Variants in KLF12 observed in about 807,000 individuals in gnomAD.
KLF12 encodes the protein KLF transcription factor 12.
Under a neutral mutation model 37.8 loss-of-function variants are expected in KLF12, and 9 were observed. The ratio of observed to expected loss-of-function variants is 0.24; its 90% CI spans 0.14 to 0.42. The LOEUF (loss-of-function observed/expected upper bound fraction) is 0.42. Among genes scored for constraint, KLF12 ranks in the 10% least tolerant of loss-of-function variants. KLF12 has a pLI of 1.00. For missense variants in KLF12, 411 were observed against 516.0 expected (o/e 0.80, Z 1.97); for synonymous variants, 208 against 202.1 (o/e 1.03, Z -0.25).
chr13:73,749,602 T>C (rs557775125), intron 6 of KLF12, among the ~76,000 whole-genome samples: 17 of 152,084 alleles, frequency 1.1e-4, no homozygotes, highest in Admixed American at 6.6e-5. Flanking sequence ...CACTCAGCCA[T>C]GAAGAACTGC....
chr13:74,046,520 A>T (rs1219520035), intron 1 of KLF12, among the ~76,000 whole-genome samples: 1 of 152,142 alleles, frequency 6.6e-6, no homozygotes, highest in African/African-American at 2.4e-5. Context: ...GTTCTTTCCA[A>T]AGAATTTTTC....
chr13:73,892,284 A>C (rs150361652), intron 3 of KLF12, among the ~76,000 whole-genome samples: 11 of 152,284 alleles, frequency 7.2e-5, no homozygotes, highest in African/African-American at 2.4e-4. Flanking sequence ...AGTAAAACTA[A>C]TAAGAAATAG....
chr13:74,284,237 A>ACCCTTAATGC, the KLF12 span, among the ~76,000 whole-genome samples: 1 of 152,058 alleles, frequency 6.6e-6, no homozygotes, highest in South Asian at 2.1e-4. Context: ...GAGTGGACCC[A>ACCCTTAATGC]CCCTTAATGC....
At chr13:73,714,612 T>C (rs1875659587) in intron 7 of KLF12, among the ~76,000 whole-genome samples, 1 of 152,216 alleles carries the variant, frequency 6.6e-6, no homozygotes, top group Non-Finnish European at 1.5e-5. Context: ...TGGGGCCCTC[T>C]TCCTATCTTC....
intron 3 of KLF12, among the ~76,000 whole-genome samples, chr13:73,916,242 C>T (rs1888832847): frequency 3.4e-5 from 1 of 29,304 alleles, no homozygotes; most frequent in African/African-American, 1.0e-4. Flanking sequence ...CACACACACG[C>T]ACACGCACAC....
the KLF12 span, among the ~76,000 whole-genome samples, chr13:74,179,196 A>T: frequency 6.6e-6 from 1 of 152,232 alleles, no homozygotes; most frequent in Admixed American, 6.5e-5. Context: ...TGGTTATAAA[A>T]GAGAGAGAAG....
At position 73,846,125 on chromosome 13, in the gene KLF12, G is replaced by C. The variant is rs775859586; in HGVS notation, c.372C>G (p.Ala124=). 6.2e-7 allele frequency: 1 copy of C among 1,614,096 alleles called. No individual in the cohort carries two copies. Among genetic ancestry groups the C allele is most frequent in the East Asian group, 2.2e-5 (1 of 44,864 alleles). The change falls in exon 4 of 8, where the codon GCC becomes GCG. Residue 124 remains alanine, a synonymous_variant. Transcript: ENST00000377669. Reference sequence around the variant, plus strand: ...CTGATGTGATAACAGTTGGGGATGAGGCTAGACGACTAGAAGACGATGAAG... The same window carrying C: ...CTGATGTGATAACAGTTGGGGATGACGCTAGACGACTAGAAGACGATGAAG...
At chr13:73,971,438 G>A (rs1376270372) in intron 2 of KLF12, among the ~76,000 whole-genome samples, 1 of 152,024 alleles carries the variant, frequency 6.6e-6, no homozygotes, top group Non-Finnish European at 1.5e-5. Context: ...CTGTTCTTAG[G>A]CAACAATGAA....
the KLF12 span, among the ~76,000 whole-genome samples, chr13:74,243,099 C>T: frequency 2.0e-5 from 3 of 152,126 alleles, no homozygotes; most frequent in African/African-American, 7.2e-5. Context: ...AATGCTCTCC[C>T]TCCCCTTGTC....
chr13:74,078,881 A>G (rs1460748664), intron 1 of KLF12, among the ~76,000 whole-genome samples: 1 of 152,158 alleles, frequency 6.6e-6, no homozygotes, highest in Non-Finnish European at 1.5e-5. Flanking sequence ...GAGTTCCTAG[A>G]GATTGTAAAA....
chr13:74,251,346 A>G, the KLF12 span, among the ~76,000 whole-genome samples: 5 of 151,858 alleles, frequency 3.3e-5, no homozygotes, highest in South Asian at 6.3e-4. Context: ...ATATTTTACC[A>G]TGTTGGGCAG....
At chr13:74,148,493 C>A in the KLF12 span, among the ~76,000 whole-genome samples, 15 of 144,322 alleles carry the variant, frequency 1.0e-4, 1 homozygote, top group Admixed American at 9.0e-4. Flanking sequence ...ACTCCCCCCC[C>A]ACCCCACCCC....
chr13:74,000,182 G>A (rs1892238293), intron 1 of KLF12, among the ~76,000 whole-genome samples: 1 of 152,076 alleles, frequency 6.6e-6, no homozygotes, highest in African/African-American at 2.4e-5. Context: ...ATAATCAAGT[G>A]CCCAAACTCC....
At chr13:73,883,873 C>CT (rs1186091460) in intron 3 of KLF12, among the ~76,000 whole-genome samples, 1 of 152,146 alleles carries the variant, frequency 6.6e-6, no homozygotes, top group Non-Finnish European at 1.5e-5. Flanking sequence ...AACCATATTT[C>CT]TGTTCCACAC....
At chr13:74,284,059 G>A in the KLF12 span, among the ~76,000 whole-genome samples, 11 of 151,842 alleles carry the variant, frequency 7.2e-5, no homozygotes, top group Non-Finnish European at 2.9e-5. Flanking sequence ...GAGTTTCACC[G>A]TGTTAGCCAG....
intron 1 of KLF12, among the ~76,000 whole-genome samples, chr13:74,115,864 A>C (rs1247028704): frequency 6.6e-6 from 1 of 152,126 alleles, no homozygotes; most frequent in Non-Finnish European, 1.5e-5. Flanking sequence ...TTGTCACTGA[A>C]TTTAGAGCTT....
intron 1 of KLF12, among the ~76,000 whole-genome samples, chr13:74,008,642 T>A (rs980011177): frequency 2.6e-5 from 4 of 152,260 alleles, no homozygotes; most frequent in Admixed American, 2.6e-4. Context: ...TTAAACTTTC[T>A]GGTCTCAGCA....
the KLF12 span, among the ~76,000 whole-genome samples, chr13:74,194,143 G>T: frequency 1.3e-5 from 2 of 152,202 alleles, no homozygotes; most frequent in African/African-American, 2.4e-5. Context: ...TGAGACAGGT[G>T]CATGATATAT....
chr13:74,094,557 G>C (rs1875865958), intron 1 of KLF12, among the ~76,000 whole-genome samples: 1 of 151,400 alleles, frequency 6.6e-6, no homozygotes, highest in African/African-American at 2.4e-5. Context: ...ATAGGAGGTA[G>C]TAAATGCCTT....
Sources: gnomAD v4.1 joint callset for allele counts (sites outside exome capture counted in the v4.1 genomes callset) on GRCh38, gnomAD v4.1.1 for gene constraint, MANE v1.5 for transcripts, NCBI Gene and HGNC (gene_info 2026-07-23, HGNC 2026-07-21) for gene names.